The following LYPD2 variants were observed in gnomAD, a reference collection of about 807,000 sequenced individuals.
LYPD2 encodes the protein LY6/PLAUR domain containing 2.
In LYPD2, 5 loss-of-function variants were observed where a neutral mutation model predicts 7.1. The ratio of observed to expected loss-of-function variants is 0.70; its 90% CI spans 0.37 to 1.48. LYPD2 has a LOEUF of 1.48. Among genes scored for constraint, LYPD2 ranks in the 40% most tolerant of loss-of-function variants. The probability of loss-of-function intolerance (pLI) is 0.03; values close to 1 mark genes in which losing one functional copy is unlikely to be tolerated. For missense variants in LYPD2, 177 were observed against 171.0 expected (o/e 1.04, Z -0.20); for synonymous variants, 78 against 82.0 (o/e 0.95, Z 0.26).
At chr8:142,752,251 G>T in intron 1 of LYPD2, 143 bp downstream of exon 1, 1 of 799,348 alleles carries the variant, frequency 1.3e-6, no homozygotes, top group Non-Finnish European at 2.0e-6. Context: ...TCCTTATGGC[G>T]GGGGGGCCAC....
rs149235791 is a variant in LYPD2, at chr8:142,750,463, G to A, written c.198C>T (p.Asp66=). 41 of 1,586,430 alleles carry A rather than the reference G, an allele frequency of 2.6e-5. No individual in the cohort carries two copies. In the African/African-American group the frequency reaches 4.8e-4, roughly 19 times the overall value. The change falls in exon 3 of 3, where the codon GAC becomes GAT. Residue 66 remains aspartate, a synonymous_variant. Coordinates refer to ENST00000359228, the MANE Select transcript of LYPD2 (RefSeq NM_205545.3). ...SREIVYPFQG[D]STVTKSCASK... ...TGGCACAGGACTTGGTCACCGTGGA[G>A]TCCCCCTGGAAGGGGTACACTGTGG... is the stretch of plus-strand genomic sequence containing the variant.
chr8:142,752,076 C>G (rs1316230130), intron 1 of LYPD2, among the ~76,000 whole-genome samples: 1 of 152,126 alleles, frequency 6.6e-6, no homozygotes, highest in Non-Finnish European at 1.5e-5. Context: ...TTCCCCCGCT[C>G]AAGGCCCTTC....
chr8:142,751,290 C>A, intron 1 of LYPD2, 120 bp from the exon 2 acceptor site: 9 of 1,352,500 alleles, frequency 6.7e-6, no homozygotes, highest in Non-Finnish European at 9.0e-6. Context: ...GAGATGCCTA[C>A]CAGCCAAAAC....
Position 142,750,814 on chromosome 8 carries a change from G to A in LYPD2, c.178+237C>T, listed in dbSNP as rs113282091. Among the ~76,000 whole-genome samples, 835 of 152,384 alleles carry A rather than the reference G, an allele frequency of 5.5e-3. 10 individuals are homozygous for A. The highest frequency in any genetic ancestry group is 0.019 in the African/African-American group (788 of 41,582). ...ACATGAGGGAGAGAGGAAGGAAGGG[G>A]AGGGCAGAGGGAGGCCTAGCTCGGG... is the stretch of plus-strand genomic sequence containing the variant. On this transcript the variant is annotated intron_variant, in intron 2 of 2. Coordinates refer to ENST00000359228, the MANE Select transcript of LYPD2 (RefSeq NM_205545.3).
At position 142,750,454 on chromosome 8, in the gene LYPD2, C is replaced by A; in HGVS notation, c.207G>T (p.Val69=). The stretch of plus-strand genomic sequence containing the variant: ...TACACTTGCTGGCACAGGACTTGGT[C>A]ACCGTGGAGTCCCCCTGGAAGGGGT... The part of the protein sequence containing the change: ...IVYPFQGDST[V]TKSCASKCKP... The change falls in exon 3 of 3, where the codon GTG becomes GTT. Residue 69 remains valine (V), a synonymous_variant. Coordinates refer to ENST00000359228, the MANE Select transcript of LYPD2 (RefSeq NM_205545.3). 6.3e-7 allele frequency: 1 copy of A among 1,588,962 alleles called. No individual in the cohort carries two copies. Among genetic ancestry groups the A allele is most frequent in the South Asian group, 1.2e-5 (1 of 86,898 alleles).
At chr8:142,750,934 AC>A in intron 2 of LYPD2, 116 bp downstream of exon 2, 1 of 1,546,292 alleles carries the variant, frequency 6.5e-7, no homozygotes, top group Non-Finnish European at 8.8e-7. Context: ...CTGACCGGGA[AC>A]CCAGCCCTGC....
intron 2 of LYPD2, among the ~76,000 whole-genome samples, 162 bp from the exon 3 acceptor site, chr8:142,750,644 T>C (rs1369729824): frequency 6.6e-6 from 1 of 152,238 alleles, no homozygotes; most frequent in Non-Finnish European, 1.5e-5. Context: ...CCCACCGACG[T>C]TGTCCGGGTG....
At position 142,750,575 on chromosome 8, in the gene LYPD2, G is replaced by C. The variant is rs1814682151; in HGVS notation, c.179-93C>G. 2.4e-6 allele frequency: 3 copies of C among 1,269,816 alleles called. No individual in the cohort carries two copies. In the East Asian group the frequency reaches 7.6e-5, roughly 32 times the overall value. 78.7% of individuals were successfully genotyped at this position (1,269,816 alleles called of 1,614,324 possible). ...ACCACCTCATGCAGGCCCCACTCTG[G>C]GGTCACCCACCCGGGTCTCCGTCCC... On this transcript the variant is annotated intron_variant, in intron 2 of 2. Coordinates refer to ENST00000359228, the MANE Select transcript of LYPD2 (RefSeq NM_205545.3).
At position 142,750,414 on chromosome 8, in the gene LYPD2, C is replaced by A; in HGVS notation, c.247G>T (p.Asp83Tyr). 1 of 1,587,384 alleles carries A rather than the reference C, an allele frequency of 6.3e-7. No homozygotes were observed. The change falls in exon 3 of 3, where the codon GAT becomes TAT. Residue 83 changes from aspartate to tyrosine, a missense_variant. By Grantham distance (160) the Asp-to-Tyr change is radical. Transcript: ENST00000359228. ...ACGGGCAGGGTCTGGCCGATGCCATCCACATCCGAGGGCTTACACTTGCTG... is the reference window on the plus strand; with the variant it reads ...ACGGGCAGGGTCTGGCCGATGCCATACACATCCGAGGGCTTACACTTGCTG... ...CASKCKPSDV[D>Y]GIGQTLPVSC...
intron 1 of LYPD2, among the ~76,000 whole-genome samples, chr8:142,752,132 T>C (rs1814724219): frequency 6.6e-6 from 1 of 152,108 alleles, no homozygotes; most frequent in Non-Finnish European, 1.5e-5. Flanking sequence ...AGGCTGGTGC[T>C]CAGGGGTGTG....
At position 142,750,313 on chromosome 8, in the gene LYPD2, C is replaced by G. The variant is rs758421509; in HGVS notation, c.348G>C (p.Thr116=). The change falls in exon 3 of 3, where the codon ACG becomes ACC. Residue 116 remains threonine, a synonymous_variant. Transcript: ENST00000359228. The stretch of plus-strand genomic sequence containing the variant: ...GTCGGAGGCTCAAGAGTGGGAGGAG[C>G]GTGAGGGCCCCGCAGTGGAGGCTGT... ...ALNSLHCGAL[T]LLPLLSLRL is the part of the protein sequence containing the mutation. 6.4e-7 allele frequency: 1 copy of G among 1,553,318 alleles called. No individual in the cohort carries two copies. Among genetic ancestry groups the G allele is most frequent in the Non-Finnish European group, 8.7e-7 (1 of 1,148,288 alleles).
rs1291034080 is a variant in LYPD2, at chr8:142,750,689, A to G, written c.179-207T>C. ...TGCCAGGCACCCGGCCTGATGGGGC[A>G]GTTCCCGCCCCGAGGTGACTGTTGA... On this transcript the variant is annotated intron_variant, in intron 2 of 2. Transcript: ENST00000359228. Among the ~76,000 whole-genome samples the G allele has an allele frequency of 4.6e-5, 7 of 152,236 alleles. No individual in the cohort carries two copies. The East Asian group carries it at 1.3e-3, about 29-fold the overall frequency.
rs374701369 is a variant in LYPD2, at chr8:142,751,170, G to A, written c.59C>T (p.Ala20Val). The change falls in exon 2 of 3, where the codon GCG becomes GTG. Residue 20 changes from alanine (A) to valine (V), a missense_variant and splice_region_variant. Transcript: ENST00000359228. Reference protein sequence around the residue: ...ALVLAACGELAPALRCYVCPE... With the variant: ...ALVLAACGELVPALRCYVCPE... ...ACAGACGTAGCAGCGCAGGGCCGGC[G>A]CTGGGGAGAAGGGACAAGGGCGGTC... 37 of 1,613,704 alleles carry A rather than the reference G, an allele frequency of 2.3e-5. No homozygotes were observed. The highest frequency in any genetic ancestry group is 2.6e-5 in the Non-Finnish European group (31 of 1,180,000).
At chr8:142,751,745 C>A (rs1024645318) in intron 1 of LYPD2, among the ~76,000 whole-genome samples, 10 of 152,070 alleles carry the variant, frequency 6.6e-5, no homozygotes. Flanking sequence ...CGGCCCCAAC[C>A]GCAGCAGCCC....
At chr8:142,751,500 C>T (rs961265089) in intron 1 of LYPD2, among the ~76,000 whole-genome samples, 14 of 152,204 alleles carry the variant, frequency 9.2e-5, no homozygotes, top group African/African-American at 3.4e-4. Context: ...AGAGGCACCT[C>T]GGGCAGGAAG....
chr8:142,750,583 C>T, intron 2 of LYPD2, 101 bp from the exon 3 acceptor site: 1 of 1,176,166 alleles, frequency 8.5e-7, no homozygotes, highest in Non-Finnish European at 1.2e-6. Flanking sequence ...TGGGGTCACC[C>T]ACCCGGGTCT....
chr8:142,750,935 C>G (rs1337357477), intron 2 of LYPD2, 116 bp downstream of exon 2: 1 of 1,549,304 alleles, frequency 6.5e-7, no homozygotes, highest in Non-Finnish European at 8.7e-7. Flanking sequence ...TGACCGGGAA[C>G]CCAGCCCTGC....
chr8:142,750,203 T>A lies in LYPD2; in HGVS notation c.*80A>T, dbSNP rs1310006830. The A allele has an allele frequency of 1.6e-6, 2 of 1,275,378 alleles. No individual in the cohort carries two copies. The highest frequency in any genetic ancestry group is 3.0e-5 in the African/African-American group (2 of 67,702). The allele number at this position is 1,275,378 out of a possible 1,614,324, so 79.0% of individuals were successfully genotyped here. A position where few individuals can be genotyped will look rare whatever the true frequency, so the allele number is the denominator to read the frequency against. Reference sequence around the variant, plus strand: ...GCAGGTCTGTGCCCAGAAAGGAGACTCAGGAGTCCTGGTGCAGGGGGCACT... The same window carrying A: ...GCAGGTCTGTGCCCAGAAAGGAGACACAGGAGTCCTGGTGCAGGGGGCACT... On this transcript the variant is annotated 3_prime_UTR_variant, in exon 3 of 3. Transcript: ENST00000359228.
chr8:142,750,658 A>C lies in LYPD2; in HGVS notation c.179-176T>G, dbSNP rs587760049. Among the ~76,000 whole-genome samples the C allele has an allele frequency of 2.2e-3, 339 of 152,244 alleles. 1 individual carries two copies. Among genetic ancestry groups the C allele is most frequent in the Non-Finnish European group, 4.3e-3 (294 of 68,028 alleles). On this transcript the variant is annotated intron_variant, in intron 2 of 2. Transcript: ENST00000359228. ...TCCCACCGACGTTGTCCGGGTGTCT[A>C]CCATGTGCCAGGCACCCGGCCTGAT...
Sources: gnomAD v4.1 joint callset for allele counts (sites outside exome capture counted in the v4.1 genomes callset) on GRCh38, gnomAD v4.1.1 for gene constraint, MANE v1.5 for transcripts, NCBI Gene and HGNC (gene_info 2026-07-23, HGNC 2026-07-21) for gene names.